The following MAP6 variants were observed in gnomAD, a reference collection of about 807,000 sequenced individuals.
MAP6 encodes the protein microtubule associated protein 6, also known as microtubule-associated protein 6.
In MAP6, 26 loss-of-function variants were observed where a neutral mutation model predicts 42.4. That is an observed-to-expected ratio of 0.61 (90% CI 0.45 to 0.85). The LOEUF (loss-of-function observed/expected upper bound fraction) is 0.85, where lower values mean the gene tolerates loss of function less well. Among genes scored for constraint, MAP6 ranks in the 40% least tolerant of loss-of-function variants. The pLI is 0.00. For synonymous variants in MAP6, 418 were observed against 443.8 expected, an observed-to-expected ratio of 0.94 and a Z score of 0.73; for missense variants, 966 against 1,099.0, an observed-to-expected ratio of 0.88 and a Z score of 1.71.
intron 3 of MAP6, among the ~76,000 whole-genome samples, chr11:75,599,224 C>T (rs373366478): frequency 2.0e-5 from 3 of 152,096 alleles, no homozygotes; most frequent in Admixed American, 6.5e-5. Context: ...GGCCATCTGT[C>T]GAGATCACTA....
intron 1 of MAP6, among the ~76,000 whole-genome samples, chr11:75,644,654 C>A (rs1056451809): frequency 6.6e-6 from 1 of 151,890 alleles, no homozygotes; most frequent in African/African-American, 2.4e-5. Flanking sequence ...AAAAACTTTG[C>A]AATATTGTAC....
At chr11:75,607,149 G>T in intron 2 of MAP6, 1 of 862,220 alleles carries the variant, frequency 1.2e-6, no homozygotes, top group Non-Finnish European at 1.4e-6. Flanking sequence ...AGGTTTCCTG[G>T]AACACAGAAC....
intron 1 of MAP6, among the ~76,000 whole-genome samples, chr11:75,615,766 C>T (rs1942985043): frequency 6.6e-6 from 1 of 152,114 alleles, no homozygotes; most frequent in Non-Finnish European, 1.5e-5. Context: ...ATTGAATCTC[C>T]AATACTGAGT....
intron 1 of MAP6, among the ~76,000 whole-genome samples, chr11:75,659,880 A>T (rs1278302599): frequency 6.6e-6 from 1 of 152,196 alleles, no homozygotes; most frequent in East Asian, 1.9e-4. Context: ...TTTGAAGTTC[A>T]TATATGCATT....
chr11:75,649,685 C>T (rs112082602), intron 1 of MAP6, among the ~76,000 whole-genome samples: 30 of 152,012 alleles, frequency 2.0e-4, no homozygotes, highest in African/African-American at 6.0e-4. Context: ...ATTACAGTCA[C>T]GCGCACCACC....
At chr11:75,643,710 G>T (rs1056254665) in intron 1 of MAP6, among the ~76,000 whole-genome samples, 1 of 152,178 alleles carries the variant, frequency 6.6e-6, no homozygotes, top group African/African-American at 2.4e-5. Context: ...TATGTTGCCA[G>T]GCACTTTTCT....
intron 1 of MAP6, among the ~76,000 whole-genome samples, chr11:75,649,579 C>T (rs780442323): frequency 6.6e-6 from 1 of 152,026 alleles, no homozygotes. Flanking sequence ...TGCTCTGTTG[C>T]CCAGGCTGGA....
Position 75,605,728 on chromosome 11 carries a change from T to A in MAP6, c.1316+80A>T, listed in dbSNP as rs932687887. 7.0e-6 allele frequency: 11 copies of A among 1,567,348 alleles called. No individual in the cohort carries two copies. The East Asian group carries it at 1.4e-4, about 19-fold the overall frequency. ...CCTCTAATTAATTTTGTGGCCTTTT[T>A]TGGTTTGTTGGTTTAAAAAAAAAAA... is the stretch of plus-strand genomic sequence containing the variant. On this transcript the variant is annotated intron_variant, in intron 3 of 3. Coordinates refer to ENST00000304771, the MANE Select transcript of MAP6 (RefSeq NM_033063.2).
At chr11:75,630,060 G>A (rs1359598479) in intron 1 of MAP6, among the ~76,000 whole-genome samples, 2 of 152,164 alleles carry the variant, frequency 1.3e-5, no homozygotes, top group Non-Finnish European at 2.9e-5. Context: ...TGAGTGATGC[G>A]AGTGTGTGTG....
At position 75,636,241 on chromosome 11, in the gene MAP6, T is replaced by C. The variant is rs1428334167; in HGVS notation, c.906-27919A>G. 2.0e-5 allele frequency: 3 copies of C among 152,278 alleles called. No individual in the cohort carries two copies. The East Asian group carries it at 5.8e-4, about 29-fold the overall frequency. 9.4% of individuals were successfully genotyped at this position (152,278 alleles called of 1,614,324 possible). A position where few individuals can be genotyped will look rare whatever the true frequency, so the allele number is the denominator to read the frequency against. On this transcript the variant is annotated intron_variant, in intron 1 of 3. Coordinates refer to ENST00000304771, the MANE Select transcript of MAP6 (RefSeq NM_033063.2). The stretch of plus-strand genomic sequence containing the variant: ...CATGGTTCAGAGGGTTTAAGTAATT[T>C]ACAGTGGGCAACTTGCCAATGAGTG...
chr11:75,628,983 A>ATT (rs749791207), intron 1 of MAP6, among the ~76,000 whole-genome samples: 17 of 152,354 alleles, frequency 1.1e-4, no homozygotes, highest in Middle Eastern at 3.4e-3. Flanking sequence ...ACATGTTGGA[A>ATT]CACAGAGGCT....
chr11:75,617,272 C>G (rs1025823087), intron 1 of MAP6, among the ~76,000 whole-genome samples: 4 of 152,062 alleles, frequency 2.6e-5, no homozygotes, highest in African/African-American at 9.7e-5. Context: ...ATCCCAGCAC[C>G]CTGGGAGGCC....
intron 3 of MAP6, among the ~76,000 whole-genome samples, chr11:75,602,656 G>A (rs939662652): frequency 2.0e-5 from 3 of 152,130 alleles, no homozygotes; most frequent in East Asian, 3.9e-4. Flanking sequence ...TGCGTCTCCC[G>A]GTCCATCTTC....
intron 1 of MAP6, chr11:75,642,780 G>C: frequency 2.6e-6 from 1 of 391,324 alleles, no homozygotes; most frequent in Non-Finnish European, 5.5e-6. Context: ...AAATACTACT[G>C]CAACTAGTCG....
rs897957988 is a variant in MAP6, at chr11:75,646,085, C to T, written c.905+21380G>A. ...CATGATCCATAAAAGCAAGTCCATA[C>T]TTAGATGCATAATAGTGAACTGCAA... On this transcript the variant is annotated intron_variant, in intron 1 of 3. Coordinates refer to ENST00000304771, the MANE Select transcript of MAP6 (RefSeq NM_033063.2). Among the ~76,000 whole-genome samples the T allele has an allele frequency of 5.5e-4, 84 of 151,790 alleles. 1 individual carries two copies. The highest frequency in any genetic ancestry group is 2.0e-3 in the African/African-American group (83 of 41,346).
intron 3 of MAP6, chr11:75,603,435 G>C (rs1026678410): frequency 1.0e-6 from 1 of 985,776 alleles, no homozygotes; most frequent in Non-Finnish European, 1.2e-6. Context: ...GAAGTCTCTT[G>C]CCAGTAAAGT....
chr11:75,599,162 A>C (rs1198026384), intron 3 of MAP6: 1 of 152,098 alleles, frequency 6.6e-6, no homozygotes, highest in Non-Finnish European at 1.5e-5. Flanking sequence ...AGTGGCAGTA[A>C]CTTTTAAAGC....
chr11:75,624,649 G>A (rs1000170358), intron 1 of MAP6, among the ~76,000 whole-genome samples: 3 of 152,138 alleles, frequency 2.0e-5, no homozygotes, highest in Admixed American at 6.5e-5. Context: ...TTTTCTACCC[G>A]AGATGCAACT....
intron 3 of MAP6, among the ~76,000 whole-genome samples, chr11:75,591,122 G>T (rs1359954805): frequency 6.6e-6 from 1 of 152,078 alleles, no homozygotes; most frequent in African/African-American, 2.4e-5. Flanking sequence ...TAAATTAGAT[G>T]TATAACCTAA....
Sources: allele counts gnomAD v4.1 joint callset (sites outside exome capture counted in the v4.1 genomes callset), GRCh38; gene constraint gnomAD v4.1.1; transcripts MANE v1.5; gene names NCBI Gene and HGNC (gene_info 2026-07-23, HGNC 2026-07-21).